The following DISC1 variants were observed in gnomAD, a reference collection of about 807,000 sequenced individuals.
DISC1 encodes disrupted in schizophrenia 1 protein.
Under a neutral mutation model 84.5 loss-of-function variants are expected in DISC1, and 57 were observed. That is an observed-to-expected ratio of 0.67 (90% CI 0.55 to 0.84). The LOEUF is 0.84. Among genes scored for constraint, DISC1 ranks in the 40% least tolerant of loss-of-function variants. DISC1 has a pLI of 0.00. For synonymous variants in DISC1, 411 were observed against 415.2 expected (o/e 0.99, Z 0.12); for missense variants, 1,000 against 1,057.8 (o/e 0.95, Z 0.76).
intron 8 of DISC1, among the ~76,000 whole-genome samples, chr1:231,810,928 C>T (rs1173977407): frequency 6.6e-6 from 1 of 152,114 alleles, no homozygotes; most frequent in Non-Finnish European, 1.5e-5. Flanking sequence ...TCCGGGGTTG[C>T]TTTTTGTGGG....
At chr1:231,716,525 A>G (rs1194805215) in intron 3 of DISC1, among the ~76,000 whole-genome samples, 1 of 152,130 alleles carries the variant, frequency 6.6e-6, no homozygotes, top group Non-Finnish European at 1.5e-5. Flanking sequence ...GACATTGAGA[A>G]AATGAAATTG....
At chr1:231,919,492 C>G (rs1006765069) in intron 9 of DISC1, among the ~76,000 whole-genome samples, 17 of 152,202 alleles carry the variant, frequency 1.1e-4, no homozygotes, top group African/African-American at 4.1e-4. Flanking sequence ...GTTTTTGTCA[C>G]AGCAGTCTAA....
At chr1:231,843,081 G>A (rs917059597) in intron 9 of DISC1, among the ~76,000 whole-genome samples, 3 of 152,086 alleles carry the variant, frequency 2.0e-5, no homozygotes, top group African/African-American at 7.2e-5. Context: ...AACAGACAAC[G>A]GCAGTACAGT....
chr1:231,690,205 T>A (rs1349144464), intron 1 of DISC1, among the ~76,000 whole-genome samples: 1 of 151,732 alleles, frequency 6.6e-6, no homozygotes, highest in African/African-American at 2.4e-5. Flanking sequence ...GAGATGGGGG[T>A]CATATATTAC....
chr1:231,758,835 G>A (rs986019819), intron 4 of DISC1, among the ~76,000 whole-genome samples: 1 of 152,062 alleles, frequency 6.6e-6, no homozygotes, highest in Non-Finnish European at 1.5e-5. Flanking sequence ...TATACACCCC[G>A]TGCATTTTTC....
chr1:231,745,478 TC>T, intron 3 of DISC1: 1 of 230,406 alleles, frequency 4.3e-6, no homozygotes, highest in South Asian at 4.3e-5. Flanking sequence ...TGCTTCGGCC[TC>T]CCAAAGTGCT....
rs2076528010 is a variant in DISC1, at chr1:231,771,195, A to G, written c.1634+125A>G. 8 of 1,454,360 alleles carry G rather than the reference A, an allele frequency of 5.5e-6. No homozygotes were observed. The South Asian group carries it at 8.9e-5, about 16-fold the overall frequency. The allele number at this position is 1,454,360 out of a possible 1,614,324, so 90.1% of individuals were successfully genotyped here. A position where few individuals can be genotyped will look rare whatever the true frequency, so the allele number is the denominator to read the frequency against. On this transcript the variant is annotated intron_variant, in intron 6 of 12. Coordinates refer to ENST00000439617, the MANE Select transcript of DISC1 (RefSeq NM_018662.3). Reference sequence around the variant, plus strand: ...GCAGTCTGTATTTTTCAGTGGAAGCACCATTGGTGTTTTGGGTGGGAAAAT... The same window carrying G: ...GCAGTCTGTATTTTTCAGTGGAAGCGCCATTGGTGTTTTGGGTGGGAAAAT...
Position 231,694,480 on chromosome 1 carries a change from G to T in DISC1, c.722G>T (p.Ser241Ile). Residue 241 changes from serine (S) to isoleucine (I), a missense_variant, in exon 2 of 13, where the codon AGC becomes ATC. This residue lies in a region of DISC1 where 311 missense variants were observed against 400.1 expected (regional missense o/e 0.78). Coordinates refer to ENST00000439617, the MANE Select transcript of DISC1 (RefSeq NM_018662.3). ...AGAGAGGCTGAGTCCCATTGCCAGA[G>T]CCCCCAGGAGATGGGAGCCAAAGCT... ...PSREAESHCQ[S>I]PQEMGAKAAS... 1.2e-6 allele frequency: 2 copies of T among 1,614,280 alleles called. No homozygotes were observed. Among genetic ancestry groups the T allele is most frequent in the Non-Finnish European group, 1.7e-6 (2 of 1,180,054 alleles).
chr1:231,799,219 C>G (rs545701238), intron 7 of DISC1, among the ~76,000 whole-genome samples: 1 of 152,086 alleles, frequency 6.6e-6, no homozygotes, highest in South Asian at 2.1e-4. Flanking sequence ...CATGATAAAA[C>G]TCTCAAACCT....
At chr1:231,753,884 A>G (rs1385692074) in intron 4 of DISC1, among the ~76,000 whole-genome samples, 26 of 152,188 alleles carry the variant, frequency 1.7e-4, no homozygotes, top group Admixed American at 1.7e-3. Context: ...ATTAATCTCA[A>G]GTTCAAAGAT....
chr1:231,988,038 T>C (rs1664693345), intron 10 of DISC1, among the ~76,000 whole-genome samples: 1 of 151,904 alleles, frequency 6.6e-6, no homozygotes, highest in African/African-American at 2.4e-5. Context: ...ATACCAAAAT[T>C]AGCCGGGTGT....
At chr1:232,005,330 A>G (rs993468253) in intron 10 of DISC1, among the ~76,000 whole-genome samples, 43 of 152,082 alleles carry the variant, frequency 2.8e-4, no homozygotes, top group Admixed American at 2.4e-3. Context: ...AAATAATTGC[A>G]TAGTTCTAGA....
intron 9 of DISC1, among the ~76,000 whole-genome samples, chr1:231,821,383 ATATGCCAAGG>A (rs2125776475): frequency 6.6e-6 from 1 of 152,330 alleles, no homozygotes; most frequent in South Asian, 2.1e-4. Flanking sequence ...AGGAACTGAA[ATATGCCAAGG>A]TACTCAAGGG....
At chr1:231,898,660 G>C (rs2087892827) in intron 9 of DISC1, among the ~76,000 whole-genome samples, 1 of 152,194 alleles carries the variant, frequency 6.6e-6, no homozygotes, top group Admixed American at 6.5e-5. Flanking sequence ...GGCCGGGTGT[G>C]GTGGCTCATG....
intron 10 of DISC1, among the ~76,000 whole-genome samples, chr1:232,007,439 A>G (rs1427460154): frequency 6.6e-6 from 1 of 152,202 alleles, no homozygotes; most frequent in Non-Finnish European, 1.5e-5. Flanking sequence ...GTTCTGAGAC[A>G]TGGAGTCAAA....
chr1:231,982,501 A>G (rs1056728769), intron 10 of DISC1, among the ~76,000 whole-genome samples: 1 of 152,206 alleles, frequency 6.6e-6, no homozygotes, highest in African/African-American at 2.4e-5. Flanking sequence ...AAGAAACACC[A>G]TCTTCGCTCT....
chr1:231,948,290 T>C (rs1412956598), intron 9 of DISC1, among the ~76,000 whole-genome samples: 1 of 152,056 alleles, frequency 6.6e-6, no homozygotes, highest in Non-Finnish European at 1.5e-5. Context: ...AAAGGATAAG[T>C]TCATGTCCTT....
In DISC1 at chr1:231,817,031, G is replaced by A. The variant is rs528970077; in HGVS notation, c.1793-1298G>A. On this transcript the variant is annotated intron_variant, in intron 8 of 12. Transcript: ENST00000439617. ...TTGCCCAGACAAGAGTGTAGTGCCT[G>A]TTCAAAAGTGCAATCATAGTGCACT... Among the ~76,000 whole-genome samples the A allele has an allele frequency of 9.2e-5, 14 of 152,028 alleles. No homozygotes were observed. In the South Asian group the frequency reaches 2.5e-3, roughly 27 times the overall value.
At chr1:231,989,541 G>T (rs900255104) in intron 10 of DISC1, among the ~76,000 whole-genome samples, 1 of 152,212 alleles carries the variant, frequency 6.6e-6, no homozygotes, top group Non-Finnish European at 1.5e-5. Context: ...ATGCTATTTT[G>T]CTACGAAGGA....
Sources: allele counts gnomAD v4.1 joint callset (sites outside exome capture counted in the v4.1 genomes callset), GRCh38; gene constraint gnomAD v4.1.1; regional missense constraint gnomAD v4.1.1; transcripts MANE v1.5; gene names NCBI Gene and HGNC (gene_info 2026-07-23, HGNC 2026-07-21).